The following SAMD12 variants were observed in gnomAD, a reference collection of about 807,000 sequenced individuals.
SAMD12 encodes the protein sterile alpha motif domain-containing protein 12.
SAMD12 carries 9 observed loss-of-function variants against 15.0 expected under a neutral mutation model. The observed-to-expected ratio is 0.60, with a 90% CI of 0.36 to 1.05. SAMD12 has a LOEUF of 1.05. Among genes scored for constraint, SAMD12 ranks in the 50% least tolerant of loss-of-function variants. The pLI, the probability that SAMD12 is intolerant of heterozygous loss-of-function variation, is 0.01. For missense variants in SAMD12, 230 were observed against 234.2 expected (o/e 0.98, Z 0.12); for synonymous variants, 86 against 90.1 (o/e 0.96, Z 0.25).
At chr8:118,452,543 A>T (rs1823114811) in intron 2 of SAMD12, among the ~76,000 whole-genome samples, 1 of 152,170 alleles carries the variant, frequency 6.6e-6, no homozygotes, top group African/African-American at 2.4e-5. Flanking sequence ...TTTTTCCAGA[A>T]TCCATGTCCA....
intron 2 of SAMD12, among the ~76,000 whole-genome samples, chr8:118,533,026 A>C (rs1825733286): frequency 6.6e-6 from 1 of 151,728 alleles, no homozygotes; most frequent in African/African-American, 2.4e-5. Context: ...TTTAATTGTG[A>C]TGTTAGGGTG....
At chr8:118,426,126 T>C (rs1000699574) in intron 3 of SAMD12, among the ~76,000 whole-genome samples, 1 of 152,242 alleles carries the variant, frequency 6.6e-6, no homozygotes, top group South Asian at 2.1e-4. Flanking sequence ...GTTTGGCTCA[T>C]AGTGGTGTCA....
chr8:118,279,441 T>G (rs754442094), intron 4 of SAMD12, among the ~76,000 whole-genome samples: 1 of 152,198 alleles, frequency 6.6e-6, no homozygotes, highest in Non-Finnish European at 1.5e-5. Flanking sequence ...TCTTTTAATA[T>G]GAGGTAATGA....
rs372612413 is a variant in SAMD12, at chr8:118,469,544, A to AT, written c.193-29584dup. ...ATATATAATATATTATATATATTAT[A>AT]TTATTATATATAATATATTATATAT... is the stretch of plus-strand genomic sequence containing the variant. On this transcript the variant is annotated intron_variant, in intron 2 of 3. Coordinates refer to ENST00000314727, the MANE Select transcript of SAMD12 (RefSeq NM_207506.3). 8.7e-4 allele frequency among the ~76,000 whole-genome samples: 2 copies of AT among 2,296 alleles called. 1 individual carries two copies. Among genetic ancestry groups the AT allele is most frequent in the African/African-American group, 4.6e-3 (2 of 434 alleles). 1.5% of individuals were successfully genotyped at this position (2,296 alleles called of 152,430 possible). A position where few individuals can be genotyped will look rare whatever the true frequency, so the allele number is the denominator to read the frequency against.
intron 2 of SAMD12, 146 bp downstream of exon 2, chr8:118,580,567 AAT>A (rs552637502): frequency 4.9e-4 from 290 of 585,872 alleles, no homozygotes; most frequent in Middle Eastern, 1.8e-3. Flanking sequence ...TTTCATTTAT[AAT>A]TATTTATCCG....
At chr8:118,147,685 A>G in the SAMD12 span, among the ~76,000 whole-genome samples, 4 of 152,044 alleles carry the variant, frequency 2.6e-5, no homozygotes, top group African/African-American at 9.6e-5. Context: ...AAGCTAAAAA[A>G]GGTTAAAGAA....
At chr8:118,209,444 C>T (rs553618258) in intron 4 of SAMD12, among the ~76,000 whole-genome samples, 2 of 152,290 alleles carry the variant, frequency 1.3e-5, no homozygotes, top group African/African-American at 4.8e-5. Flanking sequence ...TTAATGATAA[C>T]AGATAATTTC....
chr8:118,174,450 T>C, the SAMD12 span, among the ~76,000 whole-genome samples: 2 of 152,152 alleles, frequency 1.3e-5, no homozygotes, highest in African/African-American at 4.8e-5. Flanking sequence ...ATGGGTCAAG[T>C]GTATCTGCGT....
rs1828419809 is a variant in SAMD12 at position 118,621,883 on chromosome 8, C to T, written c.-67G>A. 1.9e-6 allele frequency: 3 copies of T among 1,538,830 alleles called. No individual in the cohort carries two copies. Among genetic ancestry groups the T allele is most frequent in the South Asian group, 2.2e-5 (2 of 89,592 alleles). On this transcript the variant is annotated 5_prime_UTR_variant, in exon 1 of 4. Coordinates refer to ENST00000314727, the MANE Select transcript of SAMD12 (RefSeq NM_207506.3). The stretch of plus-strand genomic sequence containing the variant: ...GAGGTACTCCTCCTGCCCCGCGCTC[C>T]CCCCTTCCTCTCGCTTTCGCCTAAA...
chr8:118,172,839 C>T, the SAMD12 span, among the ~76,000 whole-genome samples: 1 of 152,144 alleles, frequency 6.6e-6, no homozygotes, highest in African/African-American at 2.4e-5. Context: ...TGCTGTACAA[C>T]AGACCTCTCT....
intron 3 of SAMD12, among the ~76,000 whole-genome samples, chr8:118,402,280 C>T (rs1307226161): frequency 6.6e-6 from 1 of 152,058 alleles, no homozygotes; most frequent in Non-Finnish European, 1.5e-5. Flanking sequence ...TGTTGGGTCA[C>T]CGGAGGTACT....
intron 4 of SAMD12, among the ~76,000 whole-genome samples, chr8:118,258,451 A>G (rs543960188): frequency 6.8e-6 from 1 of 146,768 alleles, no homozygotes; most frequent in East Asian, 1.9e-4. Context: ...TCCTTCCACA[A>G]TTATTGTTAT....
intron 4 of SAMD12, among the ~76,000 whole-genome samples, chr8:118,211,041 C>G (rs1484576172): frequency 5.9e-5 from 9 of 152,168 alleles, no homozygotes; most frequent in Admixed American, 5.2e-4. Context: ...ACAGAAAAAC[C>G]ACTACTGCAC....
chr8:118,603,670 C>T (rs544760471), intron 1 of SAMD12, among the ~76,000 whole-genome samples: 2 of 152,192 alleles, frequency 1.3e-5, no homozygotes, highest in South Asian at 4.1e-4. Context: ...GATCCTAGAG[C>T]GAAACTAACA....
intron 1 of SAMD12, among the ~76,000 whole-genome samples, chr8:118,584,838 A>AC (rs1176195933): frequency 6.6e-6 from 1 of 151,934 alleles, no homozygotes; most frequent in Non-Finnish European, 1.5e-5. Context: ...CAAGTGATAC[A>AC]CCCCCTGTGG....
intron 1 of SAMD12, among the ~76,000 whole-genome samples, chr8:118,597,505 A>G (rs181552253): frequency 4.0e-4 from 61 of 152,354 alleles, no homozygotes; most frequent in African/African-American, 1.3e-3. Context: ...AGACAGGATG[A>G]GAGAAAAGCA....
intron 2 of SAMD12, among the ~76,000 whole-genome samples, chr8:118,573,101 T>A (rs1416102478): frequency 6.6e-6 from 1 of 152,198 alleles, no homozygotes; most frequent in Non-Finnish European, 1.5e-5. Flanking sequence ...CTTTTCTTTT[T>A]GAGGGGGAGT....
the SAMD12 span, among the ~76,000 whole-genome samples, chr8:118,138,965 G>A: frequency 6.6e-6 from 1 of 152,140 alleles, no homozygotes; most frequent in Non-Finnish European, 1.5e-5. Flanking sequence ...AATCTCATTA[G>A]CGTACAACTC....
At chr8:118,367,919 A>G (rs1446618442) in intron 4 of SAMD12, among the ~76,000 whole-genome samples, 1 of 152,144 alleles carries the variant, frequency 6.6e-6, no homozygotes, top group Non-Finnish European at 1.5e-5. Context: ...CTTAAACAAA[A>G]CTCCTTCTTG....
Sources: gnomAD v4.1 joint callset for allele counts (sites outside exome capture counted in the v4.1 genomes callset) on GRCh38, gnomAD v4.1.1 for gene constraint, MANE v1.5 for transcripts, NCBI Gene and HGNC (gene_info 2026-07-23, HGNC 2026-07-21) for gene names.